Variants in KIF5C observed in about 807,000 individuals in gnomAD.
The protein encoded by KIF5C is kinesin family member 5C.
Under a neutral mutation model 125.2 loss-of-function variants are expected in KIF5C, and 18 were observed. That is an observed-to-expected ratio of 0.14 (90% CI 0.10 to 0.21). The LOEUF (loss-of-function observed/expected upper bound fraction) is 0.21, where lower values mean the gene tolerates loss of function less well. KIF5C is among the 10% of genes least tolerant of loss of function. The probability of loss-of-function intolerance (pLI) is 1.00; values close to 1 mark genes in which losing one functional copy is unlikely to be tolerated. For missense variants in KIF5C, 780 were observed against 1,183.8 expected (o/e 0.66, Z 5.01); for synonymous variants, 405 against 434.0 (o/e 0.93, Z 0.83).
intron 10 of KIF5C, among the ~76,000 whole-genome samples, chr2:148,957,050 C>T (rs1682807463): frequency 6.6e-6 from 1 of 152,200 alleles, no homozygotes; most frequent in African/African-American, 2.4e-5. Flanking sequence ...ATCACAATTG[C>T]TGTATATAGC....
At chr2:148,901,273 A>T (rs765925512) in intron 1 of KIF5C, among the ~76,000 whole-genome samples, 1 of 152,212 alleles carries the variant, frequency 6.6e-6, no homozygotes, top group Non-Finnish European at 1.5e-5. Context: ...GGAGGCAGGT[A>T]TATATAACCT....
intron 1 of KIF5C, among the ~76,000 whole-genome samples, chr2:148,906,975 A>G (rs1246270218): frequency 1.3e-5 from 2 of 152,066 alleles, no homozygotes; most frequent in Non-Finnish European, 2.9e-5. Flanking sequence ...TGGAAGGATC[A>G]CTTGAGTCCA....
intron 1 of KIF5C, among the ~76,000 whole-genome samples, chr2:148,896,904 C>G (rs1680695135): frequency 6.6e-6 from 1 of 152,106 alleles, no homozygotes. Flanking sequence ...GATCTCAGGG[C>G]TCACTGCAGC....
At chr2:148,940,890 C>T (rs1042465970) in intron 4 of KIF5C, among the ~76,000 whole-genome samples, 3 of 152,112 alleles carry the variant, frequency 2.0e-5, no homozygotes, top group South Asian at 2.1e-4. Context: ...GCATAAGAAT[C>T]GCCTGGGCAA....
chr2:149,021,355 A>C (rs1682528889), intron 25 of KIF5C, among the ~76,000 whole-genome samples: 1 of 151,504 alleles, frequency 6.6e-6, no homozygotes, highest in African/African-American at 2.4e-5. Context: ...GGCATCAGCC[A>C]CTGCACTTGG....
intron 16 of KIF5C, among the ~76,000 whole-genome samples, chr2:148,992,704 CAG>C (rs1043517260): frequency 1.2e-4 from 19 of 152,198 alleles, no homozygotes; most frequent in African/African-American, 3.1e-4. Context: ...CCAGGAATAT[CAG>C]GGGGAAATAG....
chr2:149,021,432 C>G (rs1164262718), intron 25 of KIF5C, among the ~76,000 whole-genome samples: 1 of 151,644 alleles, frequency 6.6e-6, no homozygotes, highest in Non-Finnish European at 1.5e-5. Context: ...GTTTCTGTTC[C>G]GTATTTCTTC....
intron 15 of KIF5C, among the ~76,000 whole-genome samples, chr2:148,987,623 C>T (rs1449778507): frequency 6.6e-5 from 10 of 151,992 alleles, no homozygotes; most frequent in Non-Finnish European, 1.5e-4. Context: ...GGCTGGAACT[C>T]GGTATTTAAC....
intron 14 of KIF5C, 98 bp downstream of exon 14, chr2:148,981,659 C>T (rs1681241102): frequency 4.8e-6 from 7 of 1,454,542 alleles, no homozygotes; most frequent in Non-Finnish European, 6.4e-6. Flanking sequence ...GAGGCAGTGG[C>T]TGAATAGTTA....
chr2:148,879,838 G>C (rs1316003157), intron 1 of KIF5C: 2 of 152,144 alleles, frequency 1.3e-5, no homozygotes, highest in African/African-American at 2.4e-5. Context: ...AGCAGGTCTT[G>C]TTAAAGATGA....
rs1445573699 is a variant in KIF5C at position 149,005,467 on chromosome 2, G to A, written c.2445+3G>A. The A allele has an allele frequency of 6.2e-7, 1 of 1,613,388 alleles. No homozygotes were observed. Among genetic ancestry groups the A allele is most frequent in the Non-Finnish European group, 8.5e-7 (1 of 1,179,756 alleles). ...ATCTGACCACCCGAGTTAAAAAAGT[G>A]AGTTCTCTTTGTCTGAATGGGACTG... On this transcript the variant is annotated splice_donor_region_variant and intron_variant, in intron 22 of 25. Coordinates refer to ENST00000435030, the MANE Select transcript of KIF5C (RefSeq NM_004522.3).
chr2:148,967,012 GC>G (rs748291444), intron 11 of KIF5C, among the ~76,000 whole-genome samples: 9 of 152,154 alleles, frequency 5.9e-5, no homozygotes, highest in Admixed American at 1.3e-4. Flanking sequence ...TAAGACAGGG[GC>G]CACTTCAGAA....
At chr2:148,999,589 A>G (rs973982652) in intron 19 of KIF5C, among the ~76,000 whole-genome samples, 38 of 152,140 alleles carry the variant, frequency 2.5e-4, no homozygotes, top group African/African-American at 8.9e-4. Context: ...TGCTGTTGCC[A>G]TGTTGTGCTT....
chr2:148,943,346 C>G (rs73009503), intron 7 of KIF5C, among the ~76,000 whole-genome samples: 2,069 of 152,242 alleles, frequency 0.014, 56 homozygotes, highest in African/African-American at 0.047. Context: ...CATTGCATCT[C>G]AGGGAAGCAG....
chr2:149,003,599 G>A (rs929451997), intron 21 of KIF5C, among the ~76,000 whole-genome samples: 3 of 152,254 alleles, frequency 2.0e-5, no homozygotes, highest in Non-Finnish European at 4.4e-5. Flanking sequence ...GGGAGGCAGA[G>A]GGATGATAAT....
intron 1 of KIF5C, among the ~76,000 whole-genome samples, chr2:148,884,965 C>G (rs1439321948): frequency 2.4e-5 from 3 of 124,700 alleles, no homozygotes; most frequent in Non-Finnish European, 3.2e-5. Context: ...TGGCCATGTC[C>G]TAATTGTTTT....
At chr2:148,887,570 CCAAA>C (rs1341198204) in intron 1 of KIF5C, among the ~76,000 whole-genome samples, 12 of 151,962 alleles carry the variant, frequency 7.9e-5, no homozygotes. Context: ...ATGGGTGGAG[CCAAA>C]CAGAGAAAGC....
At chr2:148,912,301 C>A (rs1164155543) in intron 1 of KIF5C, among the ~76,000 whole-genome samples, 2 of 152,194 alleles carry the variant, frequency 1.3e-5, no homozygotes, top group Non-Finnish European at 2.9e-5. Flanking sequence ...AAATATGGTA[C>A]CCTGTCCTCC....
At chr2:148,977,714 G>A (rs775941570) in intron 12 of KIF5C, among the ~76,000 whole-genome samples, 6 of 152,160 alleles carry the variant, frequency 3.9e-5, no homozygotes, top group Non-Finnish European at 7.4e-5. Context: ...TCTACATAAA[G>A]GACAAGGAGA....
Sources: gnomAD v4.1 joint callset for allele counts (sites outside exome capture counted in the v4.1 genomes callset) on GRCh38, gnomAD v4.1.1 for gene constraint, MANE v1.5 for transcripts, NCBI Gene and HGNC (gene_info 2026-07-23, HGNC 2026-07-21) for gene names.